The following CWC27 variants were observed in gnomAD, a reference collection of about 807,000 sequenced individuals.
CWC27 encodes CWC27 spliceosome associated cyclophilin.
In CWC27, 47 loss-of-function variants were observed where a neutral mutation model predicts 63.6. That is an observed-to-expected ratio of 0.74 (90% CI 0.58 to 0.94). The LOEUF is 0.94. Ranked by LOEUF, CWC27 falls within the 40% of genes least tolerant of loss-of-function variation. The probability of loss-of-function intolerance (pLI) is 0.00; values close to 1 mark genes in which losing one functional copy is unlikely to be tolerated. For synonymous variants in CWC27, 175 were observed against 179.8 expected (o/e 0.97, Z 0.22); for missense variants, 495 against 554.3 (o/e 0.89, Z 1.07).
intron 10 of CWC27, among the ~76,000 whole-genome samples, chr5:64,846,357 A>G (rs1372185933): frequency 1.3e-5 from 2 of 152,252 alleles, no homozygotes; most frequent in Non-Finnish European, 2.9e-5. Flanking sequence ...AGGTATACAC[A>G]TTAAAAATGA....
chr5:65,002,518 T>C (rs1181026396), intron 13 of CWC27, among the ~76,000 whole-genome samples: 1 of 152,186 alleles, frequency 6.6e-6, no homozygotes, highest in Non-Finnish European at 1.5e-5. Context: ...AACAAGTTTA[T>C]TTTCTCCTTA....
intron 10 of CWC27, among the ~76,000 whole-genome samples, chr5:64,881,802 T>C (rs1030556157): frequency 2.2e-4 from 33 of 152,296 alleles, no homozygotes; most frequent in African/African-American, 7.9e-4. Context: ...CTTCAAATTA[T>C]TCTCATAACT....
chr5:64,836,308 A>C lies in CWC27; in HGVS notation c.938+31922A>C, dbSNP rs139736071. 5.8e-4 allele frequency among the ~76,000 whole-genome samples: 88 copies of C among 152,076 alleles called. No individual in the cohort carries two copies. In the Middle Eastern group the frequency reaches 0.014, roughly 24 times the overall value. On this transcript the variant is annotated intron_variant, in intron 10 of 13. Transcript: ENST00000381070. ...GGCTCTAGAAGACAATGGACAGGAA[A>C]GAGAAAAGTTAATCTCAAGGCAGTC...
At chr5:65,000,244 TG>T (rs1749708976) in intron 13 of CWC27, among the ~76,000 whole-genome samples, 1 of 152,094 alleles carries the variant, frequency 6.6e-6, no homozygotes, top group South Asian at 2.1e-4. Flanking sequence ...AGTACCTTGC[TG>T]GGTGAATAGT....
At chr5:64,921,056 T>C (rs1405104786) in intron 11 of CWC27, among the ~76,000 whole-genome samples, 3 of 152,140 alleles carry the variant, frequency 2.0e-5, no homozygotes, top group South Asian at 2.1e-4. Flanking sequence ...GAGATCTTTC[T>C]AACTTCTTGT....
At chr5:64,993,341 T>C (rs933446945) in intron 13 of CWC27, among the ~76,000 whole-genome samples, 1 of 152,154 alleles carries the variant, frequency 6.6e-6, no homozygotes, top group Non-Finnish European at 1.5e-5. Context: ...CTCTAAGTAA[T>C]ATTTGAAAAA....
At chr5:64,955,047 T>C (rs181843764) in intron 11 of CWC27, among the ~76,000 whole-genome samples, 1 of 152,264 alleles carries the variant, frequency 6.6e-6, no homozygotes, top group African/African-American at 2.4e-5. Flanking sequence ...TAGAGAAATA[T>C]TTCTTATTCA....
chr5:64,872,704 C>G (rs151017975), intron 10 of CWC27, among the ~76,000 whole-genome samples: 2,099 of 152,266 alleles, frequency 0.014, 29 homozygotes, highest in African/African-American at 0.038. Context: ...AAAGAATTTA[C>G]ATAATGCTTA....
intron 11 of CWC27, among the ~76,000 whole-genome samples, chr5:64,916,885 TTAGTAGTAGTAGTAGTAG>T (rs56214406): frequency 1.4e-5 from 2 of 144,020 alleles, no homozygotes. Context: ...AGTAGTAGTA[TTAGTAGTAGTAGTAGTAG>T]TAGTAGTAGT....
At chr5:64,863,638 G>A (rs932469617) in intron 10 of CWC27, among the ~76,000 whole-genome samples, 25 of 152,020 alleles carry the variant, frequency 1.6e-4, no homozygotes, top group African/African-American at 3.1e-4. Context: ...ATGACTATGG[G>A]AACGCACCAT....
intron 13 of CWC27, among the ~76,000 whole-genome samples, chr5:65,002,296 T>G (rs1024264684): frequency 1.3e-5 from 2 of 152,154 alleles, no homozygotes; most frequent in African/African-American, 4.8e-5. Flanking sequence ...TTGTTTGTAG[T>G]CTCTGTTGTG....
At chr5:64,822,652 C>G (rs1479977743) in intron 10 of CWC27, among the ~76,000 whole-genome samples, 1 of 152,124 alleles carries the variant, frequency 6.6e-6, no homozygotes, top group Non-Finnish European at 1.5e-5. Flanking sequence ...GTATAATAAA[C>G]TGTAAATACA....
intron 10 of CWC27, among the ~76,000 whole-genome samples, chr5:64,810,776 T>C (rs1235331334): frequency 6.6e-6 from 1 of 152,098 alleles, no homozygotes; most frequent in African/African-American, 2.4e-5. Flanking sequence ...ACCTCCTTGA[T>C]TATTTCTGAG....
In CWC27 at chr5:65,005,381, G is replaced by A. The variant is rs140627885; in HGVS notation, c.1257-12778G>A. Among the ~76,000 whole-genome samples the A allele has an allele frequency of 5.9e-5, 9 of 152,270 alleles. No homozygotes were observed. The East Asian group carries it at 1.7e-3, about 29-fold the overall frequency. On this transcript the variant is annotated intron_variant, in intron 13 of 13. Coordinates refer to ENST00000381070, the MANE Select transcript of CWC27 (RefSeq NM_005869.4). The stretch of plus-strand genomic sequence containing the variant: ...GGCATGCTCATGCACATACACCTGT[G>A]GCAGTAGCAGGGCAGACTTGTCCTC...
chr5:64,837,263 CT>C (rs1167347167), intron 10 of CWC27, among the ~76,000 whole-genome samples: 1 of 152,048 alleles, frequency 6.6e-6, no homozygotes, highest in African/African-American at 2.4e-5. Flanking sequence ...AGAAGGAGTT[CT>C]AACACCTTTG....
chr5:64,913,670 C>T (rs1237596977), intron 11 of CWC27, among the ~76,000 whole-genome samples: 1 of 152,010 alleles, frequency 6.6e-6, no homozygotes, highest in Admixed American at 6.5e-5. Context: ...AGACACAGAA[C>T]ACTTTTAAGC....
chr5:64,985,881 T>C (rs936914958), intron 13 of CWC27, among the ~76,000 whole-genome samples: 1 of 152,176 alleles, frequency 6.6e-6, no homozygotes, highest in Admixed American at 6.5e-5. Context: ...TTTTCATAGA[T>C]GTCTTTTACC....
At chr5:64,972,293 G>A (rs1192891206) in intron 12 of CWC27, among the ~76,000 whole-genome samples, 1 of 151,984 alleles carries the variant, frequency 6.6e-6, no homozygotes. Flanking sequence ...GAATCTTTAG[G>A]TAGTAATATT....
At chr5:64,916,227 G>C (rs1381120832) in intron 11 of CWC27, among the ~76,000 whole-genome samples, 1 of 152,134 alleles carries the variant, frequency 6.6e-6, no homozygotes, top group East Asian at 1.9e-4. Flanking sequence ...AAGAATCCAA[G>C]ATATAAAATC....
Sources: gnomAD v4.1 joint callset for allele counts (sites outside exome capture counted in the v4.1 genomes callset) on GRCh38, gnomAD v4.1.1 for gene constraint, MANE v1.5 for transcripts, NCBI Gene and HGNC (gene_info 2026-07-23, HGNC 2026-07-21) for gene names.